Variants in TMEM266 observed in about 807,000 individuals in gnomAD.
TMEM266 encodes the protein Hv1 related protein 1.
A neutral mutation model predicts 50.5 loss-of-function variants in TMEM266; 33 were observed. That is an observed-to-expected ratio of 0.65 (90% confidence interval 0.50 to 0.87). The LOEUF is 0.87. Ranked by LOEUF, TMEM266 falls within the 40% of genes least tolerant of loss-of-function variation. TMEM266 has a pLI of 0.00. For missense variants in TMEM266, 655 were observed against 695.1 expected, an observed-to-expected ratio of 0.94 and a Z score of 0.65; for synonymous variants, 310 against 292.3, an observed-to-expected ratio of 1.06 and a Z score of -0.62.
chr15:76,070,372 A>G (rs2036520848), intron 1 of TMEM266, among the ~76,000 whole-genome samples: 1 of 152,230 alleles, frequency 6.6e-6, no homozygotes, highest in Admixed American at 6.5e-5. Flanking sequence ...TCACAACTGT[A>G]TCACATGACT....
intron 1 of TMEM266, among the ~76,000 whole-genome samples, chr15:76,110,715 A>G (rs939981947): frequency 1.4e-4 from 22 of 152,216 alleles, no homozygotes; most frequent in African/African-American, 4.6e-4. Flanking sequence ...ACAGTCTGGG[A>G]GAAAATATTT....
chr15:76,143,763 C>G (rs1305170471), intron 3 of TMEM266, among the ~76,000 whole-genome samples: 2 of 152,168 alleles, frequency 1.3e-5, no homozygotes, highest in African/African-American at 2.4e-5. Flanking sequence ...TTGTTTTCTG[C>G]CTTTGGCCAT....
chr15:76,126,750 A>C (rs2037429814), intron 1 of TMEM266, among the ~76,000 whole-genome samples: 1 of 151,894 alleles, frequency 6.6e-6, no homozygotes, highest in African/African-American at 2.4e-5. Context: ...GCTGGTCTCG[A>C]CCTCCTGACC....
At chr15:76,137,597 C>T in intron 2 of TMEM266, 110 bp from the exon 3 acceptor site, 2 of 1,148,048 alleles carry the variant, frequency 1.7e-6, no homozygotes, top group South Asian at 1.4e-5. Flanking sequence ...CTTAAGCTTC[C>T]TCAGCCCTCC....
chr15:76,194,575 TGCTGGGG>T (rs2038627513), intron 9 of TMEM266, among the ~76,000 whole-genome samples: 1 of 152,174 alleles, frequency 6.6e-6, no homozygotes, highest in Non-Finnish European at 1.5e-5. Context: ...TGTCTCACAG[TGCTGGGG>T]GCTGGAACCT....
intron 1 of TMEM266, among the ~76,000 whole-genome samples, chr15:76,088,815 G>A (rs574743778): frequency 8.0e-5 from 11 of 137,712 alleles, no homozygotes; most frequent in African/African-American, 8.1e-5. Flanking sequence ...GAAAAAAGGC[G>A]GGGCATGGTG....
At chr15:76,150,464 C>A (rs981951442) in intron 3 of TMEM266, among the ~76,000 whole-genome samples, 2 of 152,184 alleles carry the variant, frequency 1.3e-5, no homozygotes, top group Non-Finnish European at 2.9e-5. Context: ...GGGCTGATGC[C>A]GTGACTCTCC....
intron 1 of TMEM266, among the ~76,000 whole-genome samples, chr15:76,101,587 C>T (rs1213972322): frequency 1.3e-5 from 2 of 152,190 alleles, no homozygotes; most frequent in African/African-American, 4.8e-5. Context: ...GTGATATAGT[C>T]GGACTAGTTC....
chr15:76,094,602 C>CT (rs2036896968), intron 1 of TMEM266, among the ~76,000 whole-genome samples: 1 of 151,928 alleles, frequency 6.6e-6, no homozygotes, highest in African/African-American at 2.4e-5. Context: ...TATGCAGGCT[C>CT]TTTTTTGGTT....
At chr15:76,201,380 G>A (rs2038745401) in intron 9 of TMEM266, among the ~76,000 whole-genome samples, 2 of 152,194 alleles carry the variant, frequency 1.3e-5, no homozygotes, top group South Asian at 4.2e-4. Flanking sequence ...CCTCTCAGGA[G>A]GTGAACCAAG....
At chr15:76,109,577 G>T (rs774340608) in intron 1 of TMEM266, among the ~76,000 whole-genome samples, 3 of 152,188 alleles carry the variant, frequency 2.0e-5, no homozygotes, top group Non-Finnish European at 4.4e-5. Flanking sequence ...CAGGAGGATC[G>T]CTTGAGCCCA....
At chr15:76,060,461 A>T (rs912810927) in intron 1 of TMEM266, among the ~76,000 whole-genome samples, 1 of 152,030 alleles carries the variant, frequency 6.6e-6, no homozygotes, top group Non-Finnish European at 1.5e-5. Flanking sequence ...CCACACCCTG[A>T]GGATTTGTGG....
intron 3 of TMEM266, among the ~76,000 whole-genome samples, chr15:76,147,064 G>A (rs920989370): frequency 6.6e-6 from 1 of 152,212 alleles, no homozygotes; most frequent in African/African-American, 2.4e-5. Context: ...AGAAGGGGAA[G>A]CCCAGTTCTG....
chr15:76,140,924 C>T (rs1172093658), intron 3 of TMEM266, among the ~76,000 whole-genome samples: 1 of 151,980 alleles, frequency 6.6e-6, no homozygotes, highest in Admixed American at 6.6e-5. Flanking sequence ...GTCATCCTAG[C>T]TGCTTCAGAG....
intron 1 of TMEM266, among the ~76,000 whole-genome samples, chr15:76,108,324 C>T (rs1596109163): frequency 6.6e-6 from 1 of 152,208 alleles, no homozygotes; most frequent in Non-Finnish European, 1.5e-5. Flanking sequence ...CAGCAGCCTT[C>T]CAGGGAACTC....
chr15:76,084,700 A>G (rs1331009073), intron 1 of TMEM266, among the ~76,000 whole-genome samples: 1 of 151,296 alleles, frequency 6.6e-6, no homozygotes, highest in African/African-American at 2.4e-5. Context: ...TCCTGGGTTC[A>G]AGCAATTCTT....
chr15:76,132,813 AATT>A (rs58869632), intron 1 of TMEM266, among the ~76,000 whole-genome samples: 3,887 of 134,964 alleles, frequency 0.029, 78 homozygotes, highest in African/African-American at 0.051. Flanking sequence ...TAATAATAGT[AATT>A]ATTATTATTA....
rs543690899 is a variant in TMEM266 at position 76,159,237 on chromosome 15, C to T, written c.383-858C>T. 3.3e-5 allele frequency among the ~76,000 whole-genome samples: 5 copies of T among 152,372 alleles called. No homozygotes were observed. In the East Asian group the frequency reaches 9.6e-4, roughly 29 times the overall value. On this transcript the variant is annotated intron_variant, in intron 4 of 10. Transcript: ENST00000388942. ...CCAGTCTCCATCAGAGCTCACCTGA[C>T]CCTTGTCCTGGGCCCCAGCATCCTG...
At chr15:76,073,331 C>T (rs1408608461) in intron 1 of TMEM266, among the ~76,000 whole-genome samples, 2 of 151,862 alleles carry the variant, frequency 1.3e-5, no homozygotes. Context: ...CTCCCAGGTC[C>T]AAGTGATTCT....
Sources: gnomAD v4.1 joint callset for allele counts (sites outside exome capture counted in the v4.1 genomes callset) on GRCh38, gnomAD v4.1.1 for gene constraint, MANE v1.5 for transcripts, NCBI Gene and HGNC (gene_info 2026-07-23, HGNC 2026-07-21) for gene names.